MSRA: variants seen among roughly 807,000 people sequenced by gnomAD.
The protein encoded by MSRA is methionine sulfoxide reductase A.
A neutral mutation model predicts 31.3 loss-of-function variants in MSRA; 54 were observed. The observed-to-expected ratio is 1.73, with a 90% confidence interval of 1.39 to 2.17. The LOEUF (loss-of-function observed/expected upper bound fraction) is 2.17. MSRA is among the 30% of genes most tolerant of loss of function. The pLI is 0.00. For synonymous variants in MSRA, 169 were observed against 116.5 expected (o/e 1.45, Z -2.90); for missense variants, 507 against 300.9 (o/e 1.69, Z -5.07).
At chr8:10,243,868 AT>A (rs1373083880) in intron 2 of MSRA, among the ~76,000 whole-genome samples, 1 of 152,122 alleles carries the variant, frequency 6.6e-6, no homozygotes, top group African/African-American at 2.4e-5. Context: ...TCACAAAATA[AT>A]TTTTTACTGC....
intron 5 of MSRA, among the ~76,000 whole-genome samples, chr8:10,374,913 C>A (rs898346531): frequency 6.6e-6 from 1 of 152,110 alleles, no homozygotes; most frequent in Admixed American, 6.5e-5. Flanking sequence ...CATGCAAGAG[C>A]TGGTTGCTTA....
At chr8:10,365,322 G>A (rs763545840) in intron 5 of MSRA, among the ~76,000 whole-genome samples, 4 of 152,002 alleles carry the variant, frequency 2.6e-5, no homozygotes, top group Non-Finnish European at 5.9e-5. Context: ...CTGCTGCTCT[G>A]AACTTCCAAC....
intron 3 of MSRA, among the ~76,000 whole-genome samples, chr8:10,280,527 A>G (rs1799566052): frequency 2.0e-5 from 3 of 152,226 alleles, no homozygotes. Flanking sequence ...GTCTTAAGCT[A>G]GACAACTTAA....
At chr8:10,116,749 C>T (rs1052437071) in intron 1 of MSRA, among the ~76,000 whole-genome samples, 1 of 152,050 alleles carries the variant, frequency 6.6e-6, no homozygotes, top group African/African-American at 2.4e-5. Flanking sequence ...AGGCGGATCA[C>T]CTGAGGTTGG....
intron 5 of MSRA, among the ~76,000 whole-genome samples, chr8:10,328,049 TTTTAG>T (rs1347506607): frequency 1.4e-5 from 2 of 142,310 alleles, no homozygotes; most frequent in African/African-American, 5.2e-5. Flanking sequence ...TTTTTTTTTT[TTTTAG>T]TATCAGTGAC....
At chr8:10,291,002 T>C (rs896584306) in intron 3 of MSRA, among the ~76,000 whole-genome samples, 20 of 152,234 alleles carry the variant, frequency 1.3e-4, no homozygotes, top group African/African-American at 4.6e-4. Flanking sequence ...AGGGTTAGCA[T>C]TGGGTGCGAA....
chr8:10,214,732 A>G (rs1476649240), intron 2 of MSRA, among the ~76,000 whole-genome samples: 3 of 152,224 alleles, frequency 2.0e-5, no homozygotes, highest in African/African-American at 4.8e-5. Context: ...CTTAAATGGT[A>G]GAACACTTGG....
At chr8:10,297,433 GATGTTA>G (rs1363004433) in intron 3 of MSRA, among the ~76,000 whole-genome samples, 1 of 152,222 alleles carries the variant, frequency 6.6e-6, no homozygotes, top group Non-Finnish European at 1.5e-5. Flanking sequence ...CTATGTGCGC[GATGTTA>G]TGTGAAGACA....
chr8:10,226,315 G>A lies in MSRA; in HGVS notation c.211+18414G>A, dbSNP rs116738247. On this transcript the variant is annotated intron_variant, in intron 2 of 5. Transcript: ENST00000317173. ...TGTTCCTTCTGGGATGAAATGGAGT[G>A]ATCCAGGCTGATCTGCTGATGTTTT... Among the ~76,000 whole-genome samples, 452 of 152,254 alleles carry A rather than the reference G, an allele frequency of 3.0e-3. 4 individuals are homozygous for A. The highest frequency in any genetic ancestry group is 0.01 in the African/African-American group (434 of 41,576).
intron 5 of MSRA, among the ~76,000 whole-genome samples, chr8:10,398,228 T>C (rs556549326): frequency 2.6e-4 from 40 of 152,348 alleles, no homozygotes; most frequent in African/African-American, 7.5e-4. Context: ...AGAAAATTCC[T>C]GTTTGAACAG....
chr8:10,074,878 T>C (rs1262451261), intron 1 of MSRA, among the ~76,000 whole-genome samples: 1 of 152,000 alleles, frequency 6.6e-6, no homozygotes. Context: ...AGGCTGGTCT[T>C]GAACTCCTGA....
chr8:10,153,682 C>G (rs1177319060), intron 1 of MSRA, among the ~76,000 whole-genome samples: 10 of 152,074 alleles, frequency 6.6e-5, no homozygotes, highest in Non-Finnish European at 4.4e-5. Context: ...TCTGAGAAAC[C>G]CATGAAGTAC....
intron 5 of MSRA, among the ~76,000 whole-genome samples, chr8:10,352,605 G>A (rs1189889448): frequency 6.6e-6 from 1 of 152,094 alleles, no homozygotes; most frequent in Non-Finnish European, 1.5e-5. Flanking sequence ...CTTTCCTGAA[G>A]TGCCATTTTG....
chr8:10,183,472 A>G (rs1296405063), intron 1 of MSRA, among the ~76,000 whole-genome samples: 1 of 152,216 alleles, frequency 6.6e-6, no homozygotes, highest in African/African-American at 2.4e-5. Flanking sequence ...AGGTCATAAC[A>G]GTGCTTGGAA....
intron 4 of MSRA, among the ~76,000 whole-genome samples, chr8:10,308,758 C>G (rs192190672): frequency 1.3e-5 from 2 of 152,212 alleles, no homozygotes; most frequent in African/African-American, 2.4e-5. Context: ...TTTCTTGCCT[C>G]GCACACTGTT....
chr8:10,401,525 G>T (rs998581879), intron 5 of MSRA, among the ~76,000 whole-genome samples: 11 of 152,166 alleles, frequency 7.2e-5, no homozygotes, highest in African/African-American at 2.7e-4. Flanking sequence ...GGAGTTAAAC[G>T]TAGAATTGCT....
At chr8:10,408,533 G>C (rs146427855) in intron 5 of MSRA, among the ~76,000 whole-genome samples, 1 of 152,006 alleles carries the variant, frequency 6.6e-6, no homozygotes, top group African/African-American at 2.4e-5. Context: ...GAGCAACACC[G>C]TATTTCTAAA....
At chr8:10,159,529 A>G (rs1431479096) in intron 1 of MSRA, among the ~76,000 whole-genome samples, 1 of 152,200 alleles carries the variant, frequency 6.6e-6, no homozygotes, top group Admixed American at 6.5e-5. Context: ...AAATGCATGG[A>G]AGTACAGTTT....
At chr8:10,334,011 C>T (rs1185881527) in intron 5 of MSRA, among the ~76,000 whole-genome samples, 3 of 152,264 alleles carry the variant, frequency 2.0e-5, no homozygotes, top group Admixed American at 2.0e-4. Context: ...ACGTTTTTCT[C>T]CCCCTACCCG....
Sources: gnomAD v4.1 joint callset for allele counts (sites outside exome capture counted in the v4.1 genomes callset) on GRCh38, gnomAD v4.1.1 for gene constraint, MANE v1.5 for transcripts, NCBI Gene and HGNC (gene_info 2026-07-23, HGNC 2026-07-21) for gene names.